The following CSGALNACT1 variants were observed in gnomAD, a reference collection of about 807,000 sequenced individuals.
CSGALNACT1 encodes chondroitin sulfate N-acetylgalactosaminyltransferase 1.
A neutral mutation model predicts 51.0 loss-of-function variants in CSGALNACT1; 52 were observed. The ratio of observed to expected loss-of-function variants is 1.02; its 90% CI spans 0.82 to 1.29. The LOEUF is 1.29. CSGALNACT1 is among the 50% of genes most tolerant of loss of function. The pLI, the probability that CSGALNACT1 is intolerant of heterozygous loss-of-function variation, is 0.00. For missense variants in CSGALNACT1, 935 were observed against 679.2 expected, an observed-to-expected ratio of 1.38 and a Z score of -4.19; for synonymous variants, 341 against 254.4, an observed-to-expected ratio of 1.34 and a Z score of -3.24.
intron 2 of CSGALNACT1, among the ~76,000 whole-genome samples, chr8:19,598,656 T>C (rs561788705): frequency 1.3e-5 from 2 of 152,322 alleles, no homozygotes; most frequent in Admixed American, 6.5e-5. Context: ...TATAAGCTTA[T>C]GTGTCTACAA....
intron 1 of CSGALNACT1, among the ~76,000 whole-genome samples, chr8:19,659,647 C>A (rs192541501): frequency 7.2e-5 from 11 of 152,324 alleles, no homozygotes; most frequent in African/African-American, 2.6e-4. Context: ...CTTAAATTCT[C>A]ATCTTCTCTT....
chr8:19,683,927 A>G (rs2060812713), upstream of CSGALNACT1, among the ~76,000 whole-genome samples: 1 of 152,192 alleles, frequency 6.6e-6, no homozygotes, highest in African/African-American at 2.4e-5. Context: ...GCACTTTGGA[A>G]GGCCAAGGCA....
chr8:19,488,706 T>A (rs2153954035), intron 4 of CSGALNACT1, among the ~76,000 whole-genome samples: 1 of 152,236 alleles, frequency 6.6e-6, no homozygotes, highest in African/African-American at 2.4e-5. Context: ...CAGGCACTGC[T>A]ATAATGACAT....
intron 3 of CSGALNACT1, among the ~76,000 whole-genome samples, chr8:19,565,474 G>C (rs1295713712): frequency 6.6e-6 from 1 of 152,190 alleles, no homozygotes; most frequent in Non-Finnish European, 1.5e-5. Flanking sequence ...ATCTCAGGTA[G>C]TTAGAGATAT....
At chr8:19,650,633 G>A (rs4273864) in intron 1 of CSGALNACT1, among the ~76,000 whole-genome samples, 1 of 152,074 alleles carries the variant, frequency 6.6e-6, no homozygotes, top group African/African-American at 2.4e-5. Flanking sequence ...CATGCCAGAG[G>A]CCAGCACAGT....
At chr8:19,585,561 G>A (rs896477721) in intron 3 of CSGALNACT1, among the ~76,000 whole-genome samples, 12 of 152,166 alleles carry the variant, frequency 7.9e-5, no homozygotes, top group Admixed American at 7.9e-4. Flanking sequence ...AACCATCAGA[G>A]AAGCCTGTGG....
intron 6 of CSGALNACT1, among the ~76,000 whole-genome samples, chr8:19,427,406 G>A (rs888722178): frequency 6.6e-5 from 10 of 152,146 alleles, no homozygotes; most frequent in African/African-American, 1.7e-4. Context: ...CAGCTTCAGC[G>A]GGCACCAAAC....
At chr8:19,668,306 T>C (rs2059540794) in intron 1 of CSGALNACT1, among the ~76,000 whole-genome samples, 1 of 151,242 alleles carries the variant, frequency 6.6e-6, no homozygotes, top group Non-Finnish European at 1.5e-5. Context: ...TAGCCACTCA[T>C]AGCTCAATCT....
At chr8:19,530,389 G>A (rs747643163) in intron 3 of CSGALNACT1, among the ~76,000 whole-genome samples, 93 of 152,078 alleles carry the variant, frequency 6.1e-4, no homozygotes, top group Admixed American at 1.8e-3. Flanking sequence ...ATATGTAAGT[G>A]TATATATAAT....
intron 6 of CSGALNACT1, among the ~76,000 whole-genome samples, chr8:19,434,406 T>A (rs1358466776): frequency 6.6e-6 from 1 of 152,196 alleles, no homozygotes; most frequent in Admixed American, 6.5e-5. Context: ...TTTACCACAT[T>A]TGCTTTTTTT....
At chr8:19,703,829 G>A (rs567235121) in intron 1 of CSGALNACT1, among the ~76,000 whole-genome samples, 1 of 152,336 alleles carries the variant, frequency 6.6e-6, no homozygotes, top group African/African-American at 2.4e-5. Flanking sequence ...TCTCTACAAA[G>A]TACGTTACAA....
At chr8:19,440,046 C>A in intron 5 of CSGALNACT1, 115 bp from the exon 5 acceptor site, 1 of 821,316 alleles carries the variant, frequency 1.2e-6, no homozygotes, top group Non-Finnish European at 2.1e-6. Context: ...AGGTAAACTT[C>A]CAGGAGAGCC....
chr8:19,505,897 G>A (rs770458777), exon 4 of CSGALNACT1: 13 of 1,589,690 alleles, frequency 8.2e-6, no homozygotes, highest in Non-Finnish European at 1.1e-5. Context: ...CCCACGGAAG[G>A]GCTTCCCTGG....
intron 3 of CSGALNACT1, among the ~76,000 whole-genome samples, chr8:19,570,773 G>A (rs916824813): frequency 6.6e-6 from 1 of 152,116 alleles, no homozygotes; most frequent in African/African-American, 2.4e-5. Flanking sequence ...GGTGGCAGGT[G>A]CCTGTAATCC....
chr8:19,419,466 T>A (rs2057525608), intron 7 of CSGALNACT1, among the ~76,000 whole-genome samples: 1 of 152,188 alleles, frequency 6.6e-6, no homozygotes, highest in South Asian at 2.1e-4. Context: ...GGTTGCTCTT[T>A]ATCAATTTAC....
chr8:19,688,112 AC>A (rs1312779937), intron 1 of CSGALNACT1, among the ~76,000 whole-genome samples: 1 of 152,066 alleles, frequency 6.6e-6, no homozygotes. Flanking sequence ...GCCAGTTGAC[AC>A]CCCCAGAGTG....
At chr8:19,707,188 C>G (rs528547951) in intron 1 of CSGALNACT1, among the ~76,000 whole-genome samples, 3 of 152,194 alleles carry the variant, frequency 2.0e-5, no homozygotes, top group African/African-American at 7.2e-5. Context: ...AAAACACCAA[C>G]AGTGTCCATG....
intron 6 of CSGALNACT1, among the ~76,000 whole-genome samples, chr8:19,435,319 C>A (rs185957360): frequency 6.6e-6 from 1 of 151,910 alleles, no homozygotes; most frequent in Non-Finnish European, 1.5e-5. Context: ...TTGGTGAAAC[C>A]CCATCTCTTC....
Position 19,599,948 on chromosome 8 carries a change from T to C in CSGALNACT1, c.-416+1823A>G, listed in dbSNP as rs1183787602. ...ACAGGATCCCAGCAAGGGGAGTTAA[T>C]TGTTCCATTCAAACATTTAGTAGCA... On this transcript the variant is annotated intron_variant, in intron 2 of 9. Coordinates refer to ENST00000454498, the Ensembl canonical transcript of CSGALNACT1. Among the ~76,000 whole-genome samples, 4 of 152,214 alleles carry C rather than the reference T, an allele frequency of 2.6e-5. No homozygotes were observed. In the East Asian group the frequency reaches 5.8e-4, roughly 22 times the overall value.
Sources: allele counts gnomAD v4.1 joint callset (sites outside exome capture counted in the v4.1 genomes callset), GRCh38; gene constraint gnomAD v4.1.1; transcripts MANE v1.5; gene names NCBI Gene and HGNC (gene_info 2026-07-23, HGNC 2026-07-21).